The following TYW1B variants were observed in gnomAD, a reference collection of about 807,000 sequenced individuals.
TYW1B encodes the protein S-adenosyl-L-methionine-dependent tRNA 4-demethylwyosine synthase TYW1B.
TYW1B carries 73 observed loss-of-function variants against 86.9 expected under a neutral mutation model. The observed-to-expected ratio is 0.84, with a 90% CI of 0.70 to 1.02. The LOEUF (loss-of-function observed/expected upper bound fraction) is 1.02, where lower values mean the gene tolerates loss of function less well. TYW1B is among the 50% of genes least tolerant of loss of function. The probability of loss-of-function intolerance (pLI) is 0.00; values close to 1 mark genes in which losing one functional copy is unlikely to be tolerated. For missense variants in TYW1B, 637 were observed against 827.4 expected, an observed-to-expected ratio of 0.77 and a Z score of 2.82; for synonymous variants, 248 against 292.8, an observed-to-expected ratio of 0.85 and a Z score of 1.56.
Position 72,807,201 on chromosome 7 carries a change from T to C in TYW1B, c.588A>G (p.Ala196=), listed in dbSNP as rs1788512902. The change falls in exon 5 of 14, where the codon GCA becomes GCG. Residue 196 remains alanine (A), a synonymous_variant. Coordinates refer to ENST00000620995, the MANE Select transcript of TYW1B (RefSeq NM_001145440.3). ...ACTTCTTTCTCTCCCCTTTCTGAAG[T>C]GCCTGCAGCTGGGAGATGAACTTGG... The part of the protein sequence containing the change: ...WKTKFISQLQ[A]LQKGERKKSC... 6.2e-7 allele frequency: 1 copy of C among 1,614,060 alleles called. No individual in the cohort carries two copies. The highest frequency in any genetic ancestry group is 8.5e-7 in the Non-Finnish European group (1 of 1,179,988).
intron 7 of TYW1B, among the ~76,000 whole-genome samples, chr7:72,774,696 G>A (rs137953585): frequency 3.1e-3 from 466 of 151,722 alleles, no homozygotes; most frequent in African/African-American, 5.3e-3. Flanking sequence ...ACGCCACTGC[G>A]CTCCGGCCTG....
At chr7:72,604,034 G>A (rs188078845) in intron 13 of TYW1B, among the ~76,000 whole-genome samples, 4 of 152,218 alleles carry the variant, frequency 2.6e-5, no homozygotes, top group East Asian at 1.9e-4. Context: ...ACTGGCTCAC[G>A]AATTGTAACA....
At chr7:72,741,211 G>A (rs1182036021) in intron 8 of TYW1B, among the ~76,000 whole-genome samples, 2 of 152,090 alleles carry the variant, frequency 1.3e-5, no homozygotes, top group Non-Finnish European at 2.9e-5. Context: ...TGGAAACCAT[G>A]TACAAAGAGA....
chr7:72,666,533 T>A lies in TYW1B; in HGVS notation c.1506+28154A>T, dbSNP rs574583814. Among the ~76,000 whole-genome samples, 11 of 152,030 alleles carry A rather than the reference T, an allele frequency of 7.2e-5. No homozygotes were observed. In the East Asian group the frequency reaches 2.1e-3, roughly 29 times the overall value. On this transcript the variant is annotated intron_variant, in intron 11 of 13. Coordinates refer to ENST00000620995, the MANE Select transcript of TYW1B (RefSeq NM_001145440.3). ...CAGCAGGAAGGCATTCAGAAAAAAA[T>A]GACCATAGGAAATATATACCCAATA...
Position 72,802,521 on chromosome 7 carries a change from T to C in TYW1B, c.725A>G (p.Glu242Gly), listed in dbSNP as rs782235887. The change falls in exon 6 of 14, where the codon GAG becomes GGG. Residue 242 changes from glutamate (E) to glycine (G), a missense_variant and splice_region_variant. By Grantham distance (98) the Glu-to-Gly change is moderately conservative (BLOSUM62 -2). Transcript: ENST00000620995. ...QDELHHRDTK[E>G]EEPFESSSEE... ...ACTGGAGCTCTCGAAGGGTTCTTCC[T>C]CCTGGAAGAGAAATGCTTCAGAAAT... The C allele has an allele frequency of 6.9e-5, 112 of 1,613,610 alleles. No individual in the cohort carries two copies. Among genetic ancestry groups the C allele is most frequent in the Non-Finnish European group, 9.2e-5 (109 of 1,179,820 alleles).
chr7:72,780,894 A>G (rs1788039716), intron 6 of TYW1B, among the ~76,000 whole-genome samples: 1 of 151,814 alleles, frequency 6.6e-6, no homozygotes, highest in Non-Finnish European at 1.5e-5. Flanking sequence ...GACATTGTTT[A>G]CTCTCTGCCC....
intron 10 of TYW1B, among the ~76,000 whole-genome samples, chr7:72,703,026 A>ATATTTTTT (rs1563064838): frequency 2.8e-5 from 1 of 35,208 alleles, no homozygotes; most frequent in South Asian, 1.1e-3. Context: ...ATATATATAT[A>ATATTTTTT]TTTTTTTTTT....
chr7:72,804,585 C>T (rs1447519143), intron 5 of TYW1B, among the ~76,000 whole-genome samples: 1 of 152,174 alleles, frequency 6.6e-6, no homozygotes, highest in South Asian at 2.1e-4. Flanking sequence ...CACTTATAAT[C>T]CCAACACTTT....
intron 1 of TYW1B, 133 bp downstream of exon 1, chr7:72,827,939 G>C (rs1258743355): frequency 6.6e-7 from 1 of 1,516,820 alleles, no homozygotes; most frequent in Non-Finnish European, 8.9e-7. Context: ...CTCAGCGGCG[G>C]CTAGCCGGTG....
intron 9 of TYW1B, among the ~76,000 whole-genome samples, chr7:72,722,215 A>G (rs1435017422): frequency 2.6e-5 from 4 of 152,174 alleles, no homozygotes; most frequent in Non-Finnish European, 1.5e-5. Flanking sequence ...TAGCATACCT[A>G]GCTTGTGAAA....
chr7:72,575,613 T>A lies in TYW1B; in HGVS notation c.1892A>T (p.Asp631Val). 1 of 1,613,856 alleles carries A rather than the reference T, an allele frequency of 6.2e-7. No individual in the cohort carries two copies. Among genetic ancestry groups the A allele is most frequent in the Non-Finnish European group, 8.5e-7 (1 of 1,179,854 alleles). ...CCAGTGAGGAGTTCTGGCCATATAA[T>A]CCTTTGCGCTGAACGTTTTTGATCC... The part of the protein sequence containing the change: ...SGGSKTFSAK[D>V]YMARTPHWAL... The change falls in exon 14 of 14, where the codon GAT becomes GTT. Residue 631 changes from aspartate (D) to valine (V), a missense_variant. By Grantham distance (152) the Asp-to-Val change is radical. Transcript: ENST00000620995.
intron 7 of TYW1B, among the ~76,000 whole-genome samples, chr7:72,773,598 C>T (rs1171654167): frequency 2.6e-5 from 4 of 152,118 alleles, no homozygotes; most frequent in African/African-American, 9.7e-5. Context: ...AGAGATGAAA[C>T]CTACAAAGAG....
chr7:72,752,955 A>G (rs1324828695), intron 7 of TYW1B, among the ~76,000 whole-genome samples: 2 of 152,224 alleles, frequency 1.3e-5, no homozygotes, highest in Non-Finnish European at 2.9e-5. Context: ...ATGAAAATGC[A>G]TCATTACATT....
At chr7:72,602,280 G>A (rs1191025185) in intron 13 of TYW1B, among the ~76,000 whole-genome samples, 2 of 152,090 alleles carry the variant, frequency 1.3e-5, no homozygotes, top group Admixed American at 6.6e-5. Flanking sequence ...CACTGCAGTC[G>A]AATAGTGAAG....
intron 8 of TYW1B, among the ~76,000 whole-genome samples, chr7:72,734,559 G>C (rs1554460593): frequency 6.6e-6 from 1 of 152,102 alleles, no homozygotes; most frequent in South Asian, 2.1e-4. Context: ...ATGATTTTAT[G>C]AATAAAACTT....
intron 12 of TYW1B, among the ~76,000 whole-genome samples, chr7:72,621,433 C>A (rs1355032477): frequency 6.6e-6 from 1 of 152,230 alleles, no homozygotes; most frequent in African/African-American, 2.4e-5. Context: ...GTAGCTTGCG[C>A]TAACAATGGA....
rs575822241 is a variant in TYW1B, at chr7:72,584,180, G to A, written c.1786-8461C>T. Among the ~76,000 whole-genome samples, 276 of 152,202 alleles carry A rather than the reference G, an allele frequency of 1.8e-3. 2 individuals are homozygous for A. Among genetic ancestry groups the A allele is most frequent in the African/African-American group, 6.4e-3 (265 of 41,530 alleles). On this transcript the variant is annotated intron_variant, in intron 13 of 13. Transcript: ENST00000620995. ...CCCTCCTCAGTCTCTGGAAGAGCTG[G>A]GACTACAGTGCATGCCACCATATCC...
intron 10 of TYW1B, among the ~76,000 whole-genome samples, chr7:72,712,131 C>G (rs1480635589): frequency 6.6e-6 from 1 of 152,054 alleles, no homozygotes; most frequent in Non-Finnish European, 1.5e-5. Context: ...AGAGCCCTCC[C>G]TTAAGTCATC....
intron 4 of TYW1B, among the ~76,000 whole-genome samples, chr7:72,809,278 C>A (rs1363729843): frequency 7.9e-5 from 12 of 151,580 alleles, no homozygotes; most frequent in Admixed American, 4.6e-4. Context: ...CTCCTGACCT[C>A]GTGATCCGCC....
Sources: gnomAD v4.1 joint callset for allele counts (sites outside exome capture counted in the v4.1 genomes callset) on GRCh38, gnomAD v4.1.1 for gene constraint, MANE v1.5 for transcripts, NCBI Gene and HGNC (gene_info 2026-07-23, HGNC 2026-07-21) for gene names.